The following RSRP1 variants were observed in gnomAD, a reference collection of about 807,000 sequenced individuals.
RSRP1 encodes arginine/serine-rich protein 1.
In RSRP1, 37 loss-of-function variants were observed where a neutral mutation model predicts 33.0. That is an observed-to-expected ratio of 1.12 (90% CI 0.86 to 1.48). The LOEUF is 1.48. Among genes scored for constraint, RSRP1 ranks in the 40% most tolerant of loss-of-function variants. RSRP1 has a pLI of 0.00. For missense variants in RSRP1, 402 were observed against 385.3 expected, an observed-to-expected ratio of 1.04 and a Z score of -0.36; for synonymous variants, 167 against 158.7, an observed-to-expected ratio of 1.05 and a Z score of -0.40.
Position 25,281,310 on chromosome 1 carries a change from A to G in RSRP1, c.-66-34281T>C, listed in dbSNP as rs1641471545. Among the ~76,000 whole-genome samples the G allele has an allele frequency of 1.6e-5, 2 of 128,610 alleles. 1 individual carries two copies. The highest frequency in any genetic ancestry group is 1.5e-4 in the Admixed American group (2 of 13,318). 84.4% of individuals were successfully genotyped at this position (128,610 alleles called of 152,430 possible). ...CTGAAGGTCTTCCTTACAATGTACA[A>G]TTCTCCTCTGGGCCCGGTCATGAGC... is the stretch of plus-strand genomic sequence containing the variant. On this transcript the variant is annotated intron_variant, in intron 1 of 1. Transcript: ENST00000561867.
chr1:25,329,560 A>G (rs1364245040), intron 1 of RSRP1: 6 of 168,312 alleles, frequency 3.6e-5, no homozygotes, highest in African/African-American at 1.5e-4. Flanking sequence ...CTTTTTTAAC[A>G]GATAACAGTG....
chr1:25,259,073 G>T (rs2124560121), intron 1 of RSRP1, among the ~76,000 whole-genome samples: 1 of 152,024 alleles, frequency 6.6e-6, no homozygotes, highest in Admixed American at 6.6e-5. Flanking sequence ...GTAAGCTAAG[G>T]TTAATTTATT....
chr1:25,247,615 G>T (rs372056369), upstream of RSRP1: 3 of 152,450 alleles, frequency 2.0e-5, no homozygotes, highest in South Asian at 4.1e-4. Flanking sequence ...TGCCTCCAGG[G>T]TGCGCATGCG....
Position 25,332,229 on chromosome 1 carries a change from G to T in RSRP1, c.-67+5749C>A, listed in dbSNP as rs1645028538. ...TTTTTGTATTTTTAGTAGAAATGGG[G>T]TTTCACCATGTTGGCCAGGATGGTC... On this transcript the variant is annotated intron_variant, in intron 1 of 1. Coordinates refer to the RSRP1 transcript ENST00000561867. Among the ~76,000 whole-genome samples, 4 of 127,820 alleles carry T rather than the reference G, an allele frequency of 3.1e-5. 1 individual carries two copies. The South Asian group carries it at 9.7e-4, about 31-fold the overall frequency. The allele number at this position is 127,820 out of a possible 152,430, so 83.9% of individuals were successfully genotyped here.
chr1:25,279,489 T>TA (rs1375434574), intron 1 of RSRP1, among the ~76,000 whole-genome samples: 2 of 123,498 alleles, frequency 1.6e-5, no homozygotes, highest in Admixed American at 1.6e-4. Flanking sequence ...TAAACCTAGG[T>TA]AGGTAGGGTT....
intron 1 of RSRP1, among the ~76,000 whole-genome samples, chr1:25,262,315 T>C (rs949549340): frequency 6.6e-6 from 1 of 152,204 alleles, no homozygotes; most frequent in African/African-American, 2.4e-5. Flanking sequence ...GTGCCAACTT[T>C]GAGCCTAAGA....
intron 1 of RSRP1, among the ~76,000 whole-genome samples, chr1:25,322,293 A>G (rs1264142081): frequency 3.0e-5 from 4 of 132,676 alleles, no homozygotes; most frequent in South Asian, 2.3e-4. Context: ...ACAGAACCCC[A>G]CAATGCAAAA....
chr1:25,270,067 A>C, intron 1 of RSRP1, among the ~76,000 whole-genome samples: 1 of 132,232 alleles, frequency 7.6e-6, no homozygotes, highest in East Asian at 2.0e-4. Flanking sequence ...AGCAGAGGTC[A>C]CATCCATTTA....
intron 1 of RSRP1, among the ~76,000 whole-genome samples, chr1:25,292,521 G>A (rs1472416624): frequency 7.6e-6 from 1 of 131,766 alleles, no homozygotes; most frequent in African/African-American, 2.6e-5. Context: ...TGACTTCAAG[G>A]TTCTCATCTG....
Position 25,290,676 on chromosome 1 carries a change from T to C in RSRP1, c.-66-43647A>G, listed in dbSNP as rs1196290143. ...GCCACCATGAGTGCTTTGTCGGTGC[T>C]GATCTCAGTGGATGCTGTCTTGGGG... On this transcript the variant is annotated intron_variant, in intron 1 of 1. Transcript: ENST00000561867. 1.5e-6 allele frequency: 2 copies of C among 1,378,534 alleles called. 1 individual carries two copies. 85.4% of individuals were successfully genotyped at this position (1,378,534 alleles called of 1,614,324 possible).
At chr1:25,264,304 G>T (rs1481145942) in intron 1 of RSRP1, among the ~76,000 whole-genome samples, 1 of 152,000 alleles carries the variant, frequency 6.6e-6, no homozygotes, top group East Asian at 1.9e-4. Context: ...TGCTCCTGCA[G>T]CAAACTTCTG....
At chr1:25,330,569 T>TC (rs1445234886) in intron 1 of RSRP1, 1 of 119,000 alleles carries the variant, frequency 8.4e-6, no homozygotes, top group Non-Finnish European at 2.0e-5. Context: ...AATTACAAAC[T>TC]CACATAATTT....
In RSRP1 at chr1:25,247,441, T is replaced by G. The variant is rs1391771638; in HGVS notation, c.-199A>C. On this transcript the variant is annotated 5_prime_UTR_variant, in exon 1 of 5. Transcript: ENST00000243189. ...AATTCCACAACCTCCACCTCCTACG[T>G]CCGGATGCGCACTGAGGGACTACGT... 6.4e-6 allele frequency: 1 copy of G among 156,640 alleles called. No individual in the cohort carries two copies. Among genetic ancestry groups the G allele is most frequent in the Non-Finnish European group, 1.4e-5 (1 of 71,200 alleles). 9.7% of individuals were successfully genotyped at this position (156,640 alleles called of 1,614,324 possible).
At chr1:25,291,447 G>A (rs575011757) in intron 1 of RSRP1, among the ~76,000 whole-genome samples, 2 of 130,628 alleles carry the variant, frequency 1.5e-5, no homozygotes, top group South Asian at 4.7e-4. Flanking sequence ...GCAGCCTGGG[G>A]GACAAGAGCA....
rs564369410 is a variant in RSRP1, at chr1:25,295,694, G to A, written c.-67+42284C>T. ...TTTGTGGAAGAATGATGGAGAGAAAGGCTGAAGGGCAGGGGCTGACATCAT... is the reference window on the plus strand; with the variant it reads ...TTTGTGGAAGAATGATGGAGAGAAAAGCTGAAGGGCAGGGGCTGACATCAT... On this transcript the variant is annotated intron_variant, in intron 1 of 1. Coordinates refer to the RSRP1 transcript ENST00000561867. Among the ~76,000 whole-genome samples, 598 of 107,756 alleles carry A rather than the reference G, an allele frequency of 5.5e-3. 110 individuals are homozygous for A. Among genetic ancestry groups the A allele is most frequent in the African/African-American group, 0.017 (543 of 32,742 alleles). 70.7% of individuals were successfully genotyped at this position (107,756 alleles called of 152,430 possible).
At chr1:25,307,010 T>C (rs1273946020) in intron 1 of RSRP1, 1 of 386,056 alleles carries the variant, frequency 2.6e-6, no homozygotes, top group Non-Finnish European at 5.3e-6. Flanking sequence ...GCAGGTCAAA[T>C]AGGCCCAAGC....
chr1:25,308,335 C>T (rs1486868951), intron 1 of RSRP1, among the ~76,000 whole-genome samples: 1 of 111,472 alleles, frequency 9.0e-6, no homozygotes, highest in Non-Finnish European at 2.1e-5. Flanking sequence ...GCAAGCCCTA[C>T]CTACGGCCCC....
At chr1:25,285,426 G>A (rs1259674493) in intron 1 of RSRP1, among the ~76,000 whole-genome samples, 14 of 135,024 alleles carry the variant, frequency 1.0e-4, no homozygotes, top group South Asian at 2.2e-4. Context: ...GAGCCACCGC[G>A]TCCAGCCTGA....
Position 25,273,226 on chromosome 1 carries a change from C to T in RSRP1, c.-66-26197G>A, listed in dbSNP as rs1192966606. On this transcript the variant is annotated intron_variant, in intron 1 of 1. Coordinates refer to the RSRP1 transcript ENST00000561867. ...TCATGGTTCACTGCAGCCTTGACCT[C>T]CTAGTCTCAAGCAATCTTCCCACCT... 3.9e-5 allele frequency among the ~76,000 whole-genome samples: 5 copies of T among 128,126 alleles called. 2 individuals carry two copies. The highest frequency in any genetic ancestry group is 9.2e-5 in the Non-Finnish European group (5 of 54,248). 84.1% of individuals were successfully genotyped at this position (128,126 alleles called of 152,430 possible). A position where few individuals can be genotyped will look rare whatever the true frequency, so the allele number is the denominator to read the frequency against.
Sources: allele counts gnomAD v4.1 joint callset (sites outside exome capture counted in the v4.1 genomes callset), GRCh38; gene constraint gnomAD v4.1.1; transcripts MANE v1.5; gene names NCBI Gene and HGNC (gene_info 2026-07-23, HGNC 2026-07-21).